Variants in PPFIA2 observed in about 807,000 individuals in gnomAD.
PPFIA2 encodes PPFI scaffold protein A2, also known as liprin-alpha-2.
In PPFIA2, 46 loss-of-function variants were observed where a neutral mutation model predicts 175.5. The ratio of observed to expected loss-of-function variants is 0.26; its 90% CI spans 0.21 to 0.34. The LOEUF is 0.34. PPFIA2 is among the 10% of genes least tolerant of loss of function. The probability of loss-of-function intolerance (pLI) is 1.00; values close to 1 mark genes in which losing one functional copy is unlikely to be tolerated. For missense variants in PPFIA2, 1,179 were observed against 1,506.1 expected (o/e 0.78, Z 3.60); for synonymous variants, 568 against 511.4 (o/e 1.11, Z -1.49).
At chr12:81,517,547 A>G (rs1284897387) in intron 4 of PPFIA2, among the ~76,000 whole-genome samples, 5 of 152,198 alleles carry the variant, frequency 3.3e-5, no homozygotes, top group African/African-American at 1.2e-4. Flanking sequence ...TTGTTGGCAG[A>G]TAGAACAGGA....
intron 4 of PPFIA2, among the ~76,000 whole-genome samples, chr12:81,592,147 A>G (rs2058741112): frequency 6.6e-6 from 1 of 152,152 alleles, no homozygotes. Flanking sequence ...TCAGACTTGC[A>G]TGGGGCCTGT....
chr12:81,506,921 A>G (rs1395259392), intron 4 of PPFIA2, among the ~76,000 whole-genome samples: 1 of 152,222 alleles, frequency 6.6e-6, no homozygotes, highest in Non-Finnish European at 1.5e-5. Context: ...TGTGGCCCTG[A>G]TCTATACCAG....
chr12:81,557,922 A>C (rs1420223717), intron 4 of PPFIA2, among the ~76,000 whole-genome samples: 1 of 152,110 alleles, frequency 6.6e-6, no homozygotes, highest in Non-Finnish European at 1.5e-5. Flanking sequence ...AGACTCAGAA[A>C]ATGTGTGTAA....
intron 4 of PPFIA2, among the ~76,000 whole-genome samples, chr12:81,571,291 T>C (rs2072494401): frequency 6.6e-6 from 1 of 152,134 alleles, no homozygotes; most frequent in African/African-American, 2.4e-5. Context: ...GCATTAAACT[T>C]GTCTTGGGAG....
intron 3 of PPFIA2, among the ~76,000 whole-genome samples, chr12:81,683,205 C>G (rs1341954491): frequency 2.0e-5 from 3 of 152,006 alleles, no homozygotes; most frequent in Non-Finnish European, 2.9e-5. Flanking sequence ...CACCCAGTTG[C>G]TCAGGTCCAA....
intron 3 of PPFIA2, among the ~76,000 whole-genome samples, chr12:81,720,872 C>T (rs1200450559): frequency 6.6e-6 from 1 of 151,104 alleles, no homozygotes. Flanking sequence ...TTGTTACTTA[C>T]AACCAAAGAT....
intron 21 of PPFIA2, among the ~76,000 whole-genome samples, chr12:81,334,982 G>A (rs1441399537): frequency 6.6e-6 from 1 of 152,136 alleles, no homozygotes; most frequent in Non-Finnish European, 1.5e-5. Context: ...ACAGTACACA[G>A]CCTTTGGTGT....
intron 21 of PPFIA2, among the ~76,000 whole-genome samples, chr12:81,334,769 G>A (rs1326191442): frequency 6.6e-6 from 1 of 152,024 alleles, no homozygotes; most frequent in African/African-American, 2.4e-5. Flanking sequence ...TGTTTTGATG[G>A]ATGGCATTCC....
intron 21 of PPFIA2, among the ~76,000 whole-genome samples, chr12:81,328,818 C>CT (rs533036607): frequency 0.83 from 111,596 of 134,694 alleles, 46,312 homozygotes; most frequent in East Asian, 0.93. Flanking sequence ...TTCTTTCTTT[C>CT]TTTTTTTTTT....
Position 81,329,811 on chromosome 12 carries a change from C to A in PPFIA2, c.2549-3941G>T, listed in dbSNP as rs577495077. On this transcript the variant is annotated intron_variant, in intron 21 of 32. Coordinates refer to ENST00000549396, the MANE Select transcript of PPFIA2 (RefSeq NM_003625.5). ...CAGATGGCACTACTTCCCTTCTGGT[C>A]CCAGTGTCTGAACGGTAACTGAGAA... 2.6e-4 allele frequency among the ~76,000 whole-genome samples: 40 copies of A among 152,302 alleles called. No individual in the cohort carries two copies. The South Asian group carries it at 8.1e-3, about 31-fold the overall frequency.
At chr12:81,667,029 C>A (rs760642861) in intron 4 of PPFIA2, among the ~76,000 whole-genome samples, 6 of 152,106 alleles carry the variant, frequency 3.9e-5, no homozygotes, top group Admixed American at 2.0e-4. Flanking sequence ...TGAACTGACT[C>A]TATGTGTACA....
At chr12:81,450,243 T>C (rs1203113455) in intron 5 of PPFIA2, among the ~76,000 whole-genome samples, 3 of 152,218 alleles carry the variant, frequency 2.0e-5, no homozygotes, top group Non-Finnish European at 2.9e-5. Context: ...TGAACTAGTT[T>C]ACAGTCCCAC....
intron 8 of PPFIA2, among the ~76,000 whole-genome samples, chr12:81,385,413 G>A (rs756552930): frequency 3.5e-4 from 54 of 152,196 alleles, no homozygotes; most frequent in Admixed American, 2.0e-4. Flanking sequence ...TATGTTCAAT[G>A]CAAAATTATT....
In PPFIA2 at chr12:81,535,656, CA is replaced by C. The variant is rs377680110; in HGVS notation, c.304-77791del. ...AAACACACACATACACACACACACA[CA>C]AAACTAGTGAGAGTGTTTCAAACTA... On this transcript the variant is annotated intron_variant, in intron 4 of 32. Coordinates refer to ENST00000549396, the MANE Select transcript of PPFIA2 (RefSeq NM_003625.5). 1.8e-4 allele frequency: 54 copies of C among 297,342 alleles called. No individual in the cohort carries two copies. In the East Asian group the frequency reaches 4.4e-3, roughly 24 times the overall value. The allele number at this position is 297,342 out of a possible 1,614,324, so 18.4% of individuals were successfully genotyped here. A position where few individuals can be genotyped will look rare whatever the true frequency, so the allele number is the denominator to read the frequency against.
intron 3 of PPFIA2, among the ~76,000 whole-genome samples, chr12:81,686,270 G>A (rs1462154543): frequency 6.6e-6 from 1 of 152,014 alleles, no homozygotes. Context: ...TAAGAGCTGA[G>A]AACATCAGAT....
chr12:81,359,058 T>G (rs369550130), intron 15 of PPFIA2, among the ~76,000 whole-genome samples: 2 of 152,100 alleles, frequency 1.3e-5, no homozygotes, highest in East Asian at 3.9e-4. Context: ...ATTCATTTTA[T>G]TGTTACAATA....
Position 81,405,880 on chromosome 12 carries a change from A to G in PPFIA2, c.669T>C (p.Asn223=), listed in dbSNP as rs978565396. The change falls in exon 8 of 33, where the codon AAT becomes AAC. Residue 223 remains asparagine (N), a synonymous_variant. Transcript: ENST00000549396. ...ATGCCATTTTTCTTTGTATATGAACATTTTGTTCACGCAAGGCAACAATCT... is the reference window on the plus strand; with the variant it reads ...ATGCCATTTTTCTTTGTATATGAACGTTTTGTTCACGCAAGGCAACAATCT... ...NQEIVALREQ[N]VHIQRKMASS... 6.4e-7 allele frequency: 1 copy of G among 1,570,384 alleles called. No individual in the cohort carries two copies. The highest frequency in any genetic ancestry group is 8.7e-7 in the Non-Finnish European group (1 of 1,155,834).
intron 4 of PPFIA2, among the ~76,000 whole-genome samples, chr12:81,569,530 AG>A: frequency 6.6e-6 from 1 of 152,324 alleles, no homozygotes; most frequent in South Asian, 2.1e-4. Flanking sequence ...ATATCTTTCC[AG>A]GTATACTTGC....
intron 24 of PPFIA2, among the ~76,000 whole-genome samples, chr12:81,287,453 C>A (rs946620016): frequency 2.6e-5 from 4 of 151,820 alleles, no homozygotes; most frequent in Admixed American, 6.6e-5. Context: ...AGCATATACC[C>A]AGGACAATTT....
Sources: gnomAD v4.1 joint callset for allele counts (sites outside exome capture counted in the v4.1 genomes callset) on GRCh38, gnomAD v4.1.1 for gene constraint, MANE v1.5 for transcripts, NCBI Gene and HGNC (gene_info 2026-07-23, HGNC 2026-07-21) for gene names.